Variants in ADGRL2 observed in about 807,000 individuals in gnomAD.
ADGRL2 encodes the protein calcium-independent alpha-latrotoxin receptor 2.
ADGRL2 carries 44 observed loss-of-function variants against 157.4 expected under a neutral mutation model. The ratio of observed to expected loss-of-function variants is 0.28; its 90% CI spans 0.22 to 0.36. The LOEUF is 0.36. Among genes scored for constraint, ADGRL2 ranks in the 10% least tolerant of loss-of-function variants. ADGRL2 has a pLI of 1.00. For missense variants in ADGRL2, 1,510 were observed against 1,768.9 expected (o/e 0.85, Z 2.63); for synonymous variants, 585 against 624.7 (o/e 0.94, Z 0.95).
intron 2 of ADGRL2, among the ~76,000 whole-genome samples, chr1:81,898,400 G>A (rs2094431585): frequency 6.6e-6 from 1 of 152,166 alleles, no homozygotes; most frequent in African/African-American, 2.4e-5. Context: ...AAAGGTGACA[G>A]TAGTAGGTCT....
chr1:81,422,651 A>G (rs2077146549), intron 1 of ADGRL2, among the ~76,000 whole-genome samples: 1 of 152,172 alleles, frequency 6.6e-6, no homozygotes, highest in African/African-American at 2.4e-5. Context: ...AAATAATTAT[A>G]CTCTTTTAAG....
chr1:81,871,976 T>C (rs2093707757), intron 2 of ADGRL2, among the ~76,000 whole-genome samples: 1 of 152,200 alleles, frequency 6.6e-6, no homozygotes, highest in African/African-American at 2.4e-5. Flanking sequence ...TTGCTATTGC[T>C]TTTGGTGTTT....
intron 1 of ADGRL2, among the ~76,000 whole-genome samples, chr1:81,343,706 C>CAG (rs536563720): frequency 3.3e-5 from 5 of 150,506 alleles, no homozygotes; most frequent in African/African-American, 4.9e-5. Flanking sequence ...GAGAGTGTGA[C>CAG]AGAGAGAGAG....
intron 3 of ADGRL2, among the ~76,000 whole-genome samples, chr1:81,924,067 C>T (rs555663917): frequency 6.6e-6 from 1 of 152,258 alleles, no homozygotes; most frequent in African/African-American, 2.4e-5. Flanking sequence ...TTCAGGTAGT[C>T]AGGGAATATA....
Position 81,728,205 on chromosome 1 carries a change from G to A in ADGRL2, c.-143+28397G>A, listed in dbSNP as rs2084602946. ...AGAAGTACAAATTGTGTCCAATCAT[G>A]CTTACTTAGGCAAAAACAAGTTCTA... On this transcript the variant is annotated intron_variant, in intron 1 of 20. Transcript: ENST00000359929. Among the ~76,000 whole-genome samples the A allele has an allele frequency of 2.0e-5, 3 of 152,032 alleles. No homozygotes were observed. The South Asian group carries it at 6.2e-4, about 32-fold the overall frequency.
intron 4 of ADGRL2, 27 bp downstream of exon 4, chr1:81,936,864 C>T: frequency 7.3e-7 from 1 of 1,370,098 alleles, no homozygotes; most frequent in Non-Finnish European, 1.0e-6. Flanking sequence ...TATTTTTTTA[C>T]ACTTTGCCCA....
chr1:81,403,199 C>A (rs2076787765), intron 1 of ADGRL2, among the ~76,000 whole-genome samples: 1 of 151,212 alleles, frequency 6.6e-6, no homozygotes, highest in Admixed American at 6.6e-5. Flanking sequence ...AAAAAGGGAG[C>A]TATTGGAATG....
chr1:81,389,700 C>T (rs1354595699), intron 1 of ADGRL2, among the ~76,000 whole-genome samples: 1 of 152,074 alleles, frequency 6.6e-6, no homozygotes, highest in Non-Finnish European at 1.5e-5. Context: ...ACCACTAATA[C>T]CACTAAGTAA....
intron 2 of ADGRL2, among the ~76,000 whole-genome samples, chr1:81,576,630 G>A (rs2080802843): frequency 6.6e-6 from 1 of 152,046 alleles, no homozygotes; most frequent in African/African-American, 2.4e-5. Context: ...GTTTAGTTCG[G>A]CGCACCCACA....
At chr1:81,501,779 C>T (rs2078853879) in intron 2 of ADGRL2, 5 of 1,605,124 alleles carry the variant, frequency 3.1e-6, no homozygotes, top group Non-Finnish European at 3.4e-6. Flanking sequence ...AATGGAGCCA[C>T]TTCAGCAGCA....
chr1:81,394,041 C>T (rs1036227560), intron 1 of ADGRL2, among the ~76,000 whole-genome samples: 17 of 151,854 alleles, frequency 1.1e-4, no homozygotes, highest in Non-Finnish European at 2.5e-4. Context: ...ATATAGATGT[C>T]TATTTTCTAT....
intron 2 of ADGRL2, chr1:81,514,718 A>T (rs2079142868): frequency 6.6e-6 from 1 of 152,226 alleles, no homozygotes. Flanking sequence ...TCAAGAACAT[A>T]AAGTTGATTT....
In ADGRL2 at chr1:81,952,097, A is replaced by G; in HGVS notation, c.1749A>G (p.Glu583=). The stretch of plus-strand genomic sequence containing the variant: ...ACATCCTTGATGCACAGCTGCAGGA[A>G]CTGAAACCTAGTGAAAAAGATTCAG... The part of the protein sequence containing the change: ...LVDILDAQLQ[E]LKPSEKDSAG... Residue 583 remains glutamate, a synonymous_variant, in exon 9 of 24, where the codon GAA becomes GAG. Coordinates refer to ENST00000686636, the MANE Select transcript of ADGRL2 (RefSeq NM_001366006.2). 1 of 1,613,116 alleles carries G rather than the reference A, an allele frequency of 6.2e-7. No homozygotes were observed. Among genetic ancestry groups the G allele is most frequent in the Non-Finnish European group, 8.5e-7 (1 of 1,179,410 alleles).
intron 3 of ADGRL2, among the ~76,000 whole-genome samples, chr1:81,607,356 A>C (rs989362380): frequency 6.6e-6 from 1 of 152,354 alleles, no homozygotes; most frequent in Non-Finnish European, 1.5e-5. Context: ...CTCTGCCATC[A>C]TGGAATTTTT....
chr1:81,811,044 A>G (rs746188524), intron 1 of ADGRL2, among the ~76,000 whole-genome samples: 39 of 151,934 alleles, frequency 2.6e-4, no homozygotes, highest in Non-Finnish European at 3.7e-4. Flanking sequence ...CATAGCCTGC[A>G]CGGAAATGAC....
intron 1 of ADGRL2, among the ~76,000 whole-genome samples, chr1:81,357,755 A>G (rs1012138729): frequency 1.3e-5 from 2 of 152,160 alleles, no homozygotes; most frequent in African/African-American, 4.8e-5. Context: ...CTAAGGTCCT[A>G]CAGCCAATAA....
chr1:81,371,703 C>T (rs1174446779), intron 1 of ADGRL2, among the ~76,000 whole-genome samples: 2 of 152,066 alleles, frequency 1.3e-5, no homozygotes, highest in Non-Finnish European at 2.9e-5. Flanking sequence ...AATACAGAGG[C>T]CATTTTTCAG....
intron 1 of ADGRL2, among the ~76,000 whole-genome samples, chr1:81,373,385 T>G (rs1346167139): frequency 6.6e-6 from 1 of 152,152 alleles, no homozygotes; most frequent in Non-Finnish European, 1.5e-5. Context: ...CATCTTCAAT[T>G]TTCCCAATGA....
intron 3 of ADGRL2, among the ~76,000 whole-genome samples, chr1:81,924,619 A>T (rs1435977708): frequency 6.6e-6 from 1 of 152,082 alleles, no homozygotes; most frequent in Non-Finnish European, 1.5e-5. Context: ...TTGCACCTAT[A>T]TTAATGAAGA....
Sources: gnomAD v4.1 joint callset for allele counts (sites outside exome capture counted in the v4.1 genomes callset) on GRCh38, gnomAD v4.1.1 for gene constraint, MANE v1.5 for transcripts, NCBI Gene and HGNC (gene_info 2026-07-23, HGNC 2026-07-21) for gene names.